Variants in CDH19 observed in about 807,000 individuals in gnomAD.
The protein encoded by CDH19 is cadherin 19, also known as cadherin-19.
In CDH19, 67 loss-of-function variants were observed where a neutral mutation model predicts 64.2. The ratio of observed to expected loss-of-function variants is 1.04; its 90% CI spans 0.86 to 1.28. The LOEUF (loss-of-function observed/expected upper bound fraction) is 1.28. Ranked by LOEUF, CDH19 falls within the 50% of genes most tolerant of loss-of-function variation. The pLI, the probability that CDH19 is intolerant of heterozygous loss-of-function variation, is 0.00. For missense variants in CDH19, 1,030 were observed against 929.0 expected (o/e 1.11, Z -1.41); for synonymous variants, 346 against 319.3 (o/e 1.08, Z -0.89).
At chr18:66,516,958 T>C (rs574736294) in intron 9 of CDH19, among the ~76,000 whole-genome samples, 27 of 152,240 alleles carry the variant, frequency 1.8e-4, no homozygotes, top group Middle Eastern at 3.4e-3. Flanking sequence ...TTAAAAATGA[T>C]GTCCATATGT....
chr18:66,538,799 C>G (rs903258543), intron 7 of CDH19, among the ~76,000 whole-genome samples: 1 of 152,042 alleles, frequency 6.6e-6, no homozygotes, highest in Non-Finnish European at 1.5e-5. Context: ...GCAGTCCTTG[C>G]TAGTCTTCCA....
chr18:66,529,482 T>C (rs2144413106), intron 9 of CDH19, among the ~76,000 whole-genome samples: 1 of 151,108 alleles, frequency 6.6e-6, no homozygotes, highest in East Asian at 1.9e-4. Flanking sequence ...ATTTTAGGAA[T>C]TTGAAAGTAG....
At chr18:66,527,974 T>C (rs952368491) in intron 9 of CDH19, among the ~76,000 whole-genome samples, 4 of 151,610 alleles carry the variant, frequency 2.6e-5, no homozygotes, top group Non-Finnish European at 5.9e-5. Flanking sequence ...ATATGAAATA[T>C]AATTATAATA....
intron 7 of CDH19, among the ~76,000 whole-genome samples, chr18:66,543,204 A>G (rs559368339): frequency 6.6e-6 from 1 of 151,924 alleles, no homozygotes; most frequent in East Asian, 2.0e-4. Context: ...TTTGTTTTGT[A>G]TTTTTAGTAG....
intron 3 of CDH19, among the ~76,000 whole-genome samples, chr18:66,556,466 A>G (rs948718991): frequency 6.6e-6 from 1 of 151,596 alleles, no homozygotes; most frequent in Non-Finnish European, 1.5e-5. Flanking sequence ...TTTATTCTCT[A>G]TCTTTCTATA....
At chr18:66,558,813 C>T (rs535920235) in intron 3 of CDH19, among the ~76,000 whole-genome samples, 3 of 152,088 alleles carry the variant, frequency 2.0e-5, no homozygotes, top group Middle Eastern at 3.4e-3. Flanking sequence ...GTTTAGACAA[C>T]GAATGTTTAA....
intron 8 of CDH19, among the ~76,000 whole-genome samples, chr18:66,531,243 A>G (rs1986434130): frequency 1.3e-5 from 2 of 152,258 alleles, no homozygotes; most frequent in Middle Eastern, 3.4e-3. Context: ...AATTATATAA[A>G]CGACTCAAAT....
chr18:66,511,545 T>C (rs765903768), intron 10 of CDH19, 23 bp downstream of exon 10: 3 of 985,802 alleles, frequency 3.0e-6, no homozygotes, highest in Non-Finnish European at 4.8e-6. Flanking sequence ...GTATCAAAAC[T>C]CATTATGAGT....
chr18:66,591,692 C>T (rs1394411868), intron 1 of CDH19, among the ~76,000 whole-genome samples: 1 of 151,824 alleles, frequency 6.6e-6, no homozygotes, highest in Non-Finnish European at 1.5e-5. Context: ...AATCTAGCAA[C>T]TTACAAGTGG....
intron 3 of CDH19, among the ~76,000 whole-genome samples, chr18:66,568,118 T>A (rs911195175): frequency 8.6e-5 from 13 of 151,884 alleles, no homozygotes; most frequent in Admixed American, 6.6e-4. Flanking sequence ...AAAGAAATTC[T>A]TGTACTTAAG....
intron 1 of CDH19, among the ~76,000 whole-genome samples, chr18:66,575,429 G>A (rs1315058242): frequency 6.6e-6 from 1 of 151,828 alleles, no homozygotes; most frequent in Non-Finnish European, 1.5e-5. Context: ...AGAAGAGCAT[G>A]ACCTAACAGA....
At chr18:66,530,358 T>C (rs760361279) in intron 8 of CDH19, among the ~76,000 whole-genome samples, 21 of 152,060 alleles carry the variant, frequency 1.4e-4, no homozygotes, top group Non-Finnish European at 1.0e-4. Context: ...ATTTTACGGA[T>C]AAAAAATTGA....
intron 6 of CDH19, 83 bp from the exon 7 acceptor site, chr18:66,544,307 TTAAG>T (rs1212295294): frequency 3.7e-6 from 5 of 1,346,204 alleles, no homozygotes; most frequent in Non-Finnish European, 5.0e-6. Flanking sequence ...ACCTGTTAAA[TTAAG>T]TCTCAGTGGC....
chr18:66,603,114 A>G (rs1989077487), intron 1 of CDH19, among the ~76,000 whole-genome samples: 1 of 150,784 alleles, frequency 6.6e-6, no homozygotes, highest in Non-Finnish European at 1.5e-5. Flanking sequence ...TAATCTAAAG[A>G]AAACCTTTGC....
At chr18:66,535,376 A>C (rs1380038889) in intron 7 of CDH19, among the ~76,000 whole-genome samples, 1 of 151,488 alleles carries the variant, frequency 6.6e-6, no homozygotes, top group Non-Finnish European at 1.5e-5. Flanking sequence ...CTATCAAATA[A>C]ATTAAAATAT....
chr18:66,512,390 A>G (rs888135187), intron 9 of CDH19, among the ~76,000 whole-genome samples: 9 of 151,590 alleles, frequency 5.9e-5, no homozygotes, highest in Admixed American at 2.6e-4. Context: ...TGCTGTCAAG[A>G]TCACATAGTG....
chr18:66,539,495 T>C (rs1568186387), intron 7 of CDH19, among the ~76,000 whole-genome samples: 1 of 152,136 alleles, frequency 6.6e-6, no homozygotes. Context: ...ATTTTGAATA[T>C]TGTCAAATGT....
At position 66,551,200 on chromosome 18, in the gene CDH19, G is replaced by T. The variant is rs775388665; in HGVS notation, c.669C>A (p.Ile223=). The change falls in exon 5 of 12, where the codon ATC becomes ATA. Residue 223 remains isoleucine (I), a synonymous_variant. Transcript: ENST00000262150. ...GACCAATCATGTCCTTGGCTTGAAT[G>T]ATTACCCAATACTCATCTTGCAGTT... ...DRELQDEYWV[I]IQAKDMIGQP... 5.0e-6 allele frequency: 8 copies of T among 1,586,242 alleles called. No individual in the cohort carries two copies. The South Asian group carries it at 8.8e-5, about 18-fold the overall frequency.
At chr18:66,536,157 A>G (rs1272336627) in intron 7 of CDH19, among the ~76,000 whole-genome samples, 2 of 151,632 alleles carry the variant, frequency 1.3e-5, no homozygotes, top group Non-Finnish European at 3.0e-5. Flanking sequence ...CTAGGGTTCA[A>G]TAATGGCTTC....
Sources: gnomAD v4.1 joint callset for allele counts (sites outside exome capture counted in the v4.1 genomes callset) on GRCh38, gnomAD v4.1.1 for gene constraint, MANE v1.5 for transcripts, NCBI Gene and HGNC (gene_info 2026-07-23, HGNC 2026-07-21) for gene names.